The following GALNT9 variants were observed in gnomAD, a reference collection of about 807,000 sequenced individuals.
The protein encoded by GALNT9 is polypeptide N-acetylgalactosaminyltransferase 9.
A neutral mutation model predicts 63.1 loss-of-function variants in GALNT9; 47 were observed. The ratio of observed to expected loss-of-function variants is 0.75; its 90% CI spans 0.59 to 0.95. GALNT9 has a LOEUF of 0.95. Among genes scored for constraint, GALNT9 ranks in the 40% least tolerant of loss-of-function variants. The pLI is 0.00. For synonymous variants in GALNT9, 396 were observed against 365.7 expected (o/e 1.08, Z -0.94); for missense variants, 829 against 874.8 (o/e 0.95, Z 0.66).
intron 2 of GALNT9, chr12:132,280,059 T>G (rs1462576146): frequency 6.6e-6 from 1 of 151,168 alleles, no homozygotes; most frequent in East Asian, 1.9e-4. Flanking sequence ...TCCTGGATTC[T>G]GCCTGTGTCC....
rs1877513399 is a variant in GALNT9, at chr12:132,222,915, CAT to C, written c.1078-19227_1078-19226del. Among the ~76,000 whole-genome samples, 970 of 127,510 alleles carry C rather than the reference CAT, an allele frequency of 7.6e-3. 49 individuals are homozygous for C. Among genetic ancestry groups the C allele is most frequent in the African/African-American group, 0.027 (905 of 33,648 alleles). 83.7% of individuals were successfully genotyped at this position (127,510 alleles called of 152,430 possible). On this transcript the variant is annotated intron_variant, in intron 6 of 10. Transcript: ENST00000328957. The stretch of plus-strand genomic sequence containing the variant: ...CAACCCGCACCCCACACCCCACATA[CAT>C]CCCACACAACCCACACCCCACACAC...
At chr12:132,201,555 C>T (rs1177304569) in intron 7 of GALNT9, among the ~76,000 whole-genome samples, 1 of 152,218 alleles carries the variant, frequency 6.6e-6, no homozygotes, top group Non-Finnish European at 1.5e-5. Flanking sequence ...CAGGAACCTC[C>T]TGCCTGAGAA....
intron 6 of GALNT9, among the ~76,000 whole-genome samples, chr12:132,214,557 CA>C (rs1481429245): frequency 1.3e-5 from 2 of 152,250 alleles, no homozygotes; most frequent in Non-Finnish European, 2.9e-5. Flanking sequence ...CCCACCCAAC[CA>C]CTCAGGAGGA....
intron 6 of GALNT9, among the ~76,000 whole-genome samples, chr12:132,221,072 A>AAAAAAG (rs1877424922): frequency 9.6e-6 from 1 of 104,060 alleles, no homozygotes. Flanking sequence ...AAAAAAAAAA[A>AAAAAAG]GGTCTGGGCG....
At chr12:132,214,534 G>A (rs1282162174) in intron 6 of GALNT9, among the ~76,000 whole-genome samples, 1 of 152,154 alleles carries the variant, frequency 6.6e-6, no homozygotes, top group Non-Finnish European at 1.5e-5. Context: ...CCTTCACTCT[G>A]GGCTACCATC....
intron 6 of GALNT9, among the ~76,000 whole-genome samples, chr12:132,239,320 T>TGA (rs782390451): frequency 5.5e-5 from 5 of 91,542 alleles, no homozygotes; most frequent in East Asian, 3.0e-4. Context: ...ACTGAGAGAC[T>TGA]GAGAGAGAGA....
chr12:132,211,162 C>T (rs1038443750), intron 6 of GALNT9, among the ~76,000 whole-genome samples: 23 of 152,170 alleles, frequency 1.5e-4, no homozygotes, highest in Admixed American at 3.3e-4. Context: ...CACCTGACTT[C>T]TCGCCAACCA....
intron 6 of GALNT9, among the ~76,000 whole-genome samples, chr12:132,247,094 C>A (rs1672415574): frequency 6.6e-6 from 1 of 152,176 alleles, no homozygotes; most frequent in Non-Finnish European, 1.5e-5. Context: ...AACCCGCAAC[C>A]TCCAAAATAA....
Position 132,196,893 on chromosome 12 carries a change from G to A in GALNT9, c.*214C>T, listed in dbSNP as rs1875541878. 3.6e-6 allele frequency: 5 copies of A among 1,387,626 alleles called. No homozygotes were observed. Among genetic ancestry groups the A allele is most frequent in the South Asian group, 3.3e-5 (2 of 61,476 alleles). 86.0% of individuals were successfully genotyped at this position (1,387,626 alleles called of 1,614,324 possible). A position where few individuals can be genotyped will look rare whatever the true frequency, so the allele number is the denominator to read the frequency against. On this transcript the variant is annotated 3_prime_UTR_variant, in exon 11 of 11. Coordinates refer to ENST00000328957, the MANE Select transcript of GALNT9 (RefSeq NM_001122636.2). ...TCACTGTCCCCAGACGCCCTCCCTC[G>A]GGTAGAGCCGCCTGTCCTAGGAGAA...
Position 132,252,438 on chromosome 12 carries a change from G to A in GALNT9, c.960-4411C>T, listed in dbSNP as rs1451335972. Among the ~76,000 whole-genome samples the A allele has an allele frequency of 3.9e-5, 6 of 152,240 alleles. No homozygotes were observed. Among genetic ancestry groups the A allele is most frequent in the Admixed American group, 3.9e-4 (6 of 15,286 alleles). ...TTTAGAAAGAGTTTGCATCCACAATGGAAAGAGTGAAATGTAGGGTCCAGC... is the reference window on the plus strand; with the variant it reads ...TTTAGAAAGAGTTTGCATCCACAATAGAAAGAGTGAAATGTAGGGTCCAGC... On this transcript the variant is annotated intron_variant, in intron 5 of 10. Transcript: ENST00000328957. This position sits in a 1 kb window ranked among gnomAD's most constrained non-coding sequence, Gnocchi z 5.2.
chr12:132,239,665 G>C (rs1431097242), intron 6 of GALNT9, among the ~76,000 whole-genome samples: 1 of 151,824 alleles, frequency 6.6e-6, no homozygotes, highest in African/African-American at 2.4e-5. Flanking sequence ...GAGACAGAGA[G>C]AGACAGAGAG....
chr12:132,324,239 G>T (rs1292830433), intron 1 of GALNT9, among the ~76,000 whole-genome samples: 1 of 152,110 alleles, frequency 6.6e-6, no homozygotes, highest in African/African-American at 2.4e-5. Context: ...GGGAGAGTGT[G>T]CCGGAGCCGG....
rs1555239739 is a variant in GALNT9 at position 132,261,055 on chromosome 12, G to A, written c.654C>T (p.Arg218=). The change falls in exon 4 of 11, where the codon CGC becomes CGT. Residue 218 remains arginine, a synonymous_variant. Coordinates refer to ENST00000328957, the MANE Select transcript of GALNT9 (RefSeq NM_001122636.2). ...GGATCAGTCCTTCCCGCCGGCTGTT[G>A]CGGACAATCTTCACGAGGCCTGGGT... ...KRYPGLVKIV[R]NSRREGLIRA... is the part of the protein sequence containing the mutation. 1.3e-6 allele frequency: 2 copies of A among 1,551,556 alleles called. No homozygotes were observed. Among genetic ancestry groups the A allele is most frequent in the Non-Finnish European group, 1.7e-6 (2 of 1,146,988 alleles).
chr12:132,207,467 T>C (rs189788910), intron 6 of GALNT9, among the ~76,000 whole-genome samples: 9 of 152,338 alleles, frequency 5.9e-5, no homozygotes, highest in African/African-American at 2.2e-4. Flanking sequence ...CTGGGCGGTC[T>C]GCGAGGCCTC....
rs1217245836 is a variant in GALNT9, at chr12:132,327,281, GGGGCGGT to G, written c.238+1678_238+1684del. ...GGAAGCGGGATGGGAGAAGGCAGTG[GGGGCGGT>G]GGGCGGTGGGGGGAGACACACTTTC... On this transcript the variant is annotated intron_variant, in intron 1 of 10. Transcript: ENST00000328957. The surrounding 1 kb of genome is among the most constrained non-coding windows in gnomAD (Gnocchi z 4.3). Among the ~76,000 whole-genome samples, 2 of 151,742 alleles carry G rather than the reference GGGGCGGT, an allele frequency of 1.3e-5. No individual in the cohort carries two copies. The highest frequency in any genetic ancestry group is 2.4e-5 in the African/African-American group (1 of 41,298).
intron 6 of GALNT9, among the ~76,000 whole-genome samples, chr12:132,230,496 G>C (rs1877849601): frequency 6.6e-6 from 1 of 152,352 alleles, no homozygotes; most frequent in Non-Finnish European, 1.5e-5. Flanking sequence ...ACGCGGGCTG[G>C]GGAGCCCTTT....
rs191296814 is a variant in GALNT9, at chr12:132,296,112, G to A, written c.239-9682C>T. ...CCGAACAGGGAGAGCCTCCGAACAG[G>A]GAGAGCCTCTGAACAGGGAGAGCCT... On this transcript the variant is annotated intron_variant, in intron 1 of 10. Transcript: ENST00000328957. This position sits in a 1 kb window ranked among gnomAD's most constrained non-coding sequence, Gnocchi z 4.2. Among the ~76,000 whole-genome samples the A allele has an allele frequency of 8.3e-3, 1,263 of 151,598 alleles. 10 individuals carry two copies. The highest frequency in any genetic ancestry group is 0.024 in the Middle Eastern group (7 of 288).
Position 132,325,399 on chromosome 12 carries a change from G to A in GALNT9, c.238+3567C>T, listed in dbSNP as rs537828760. 9.2e-5 allele frequency among the ~76,000 whole-genome samples: 14 copies of A among 152,308 alleles called. 1 individual carries two copies. In the South Asian group the frequency reaches 1.7e-3, roughly 18 times the overall value. ...AGCCTCGCCCTCAGTGGACACGAGCGAGGTGTCACACAGTCATGGGGGGAT... is the reference window on the plus strand; with the variant it reads ...AGCCTCGCCCTCAGTGGACACGAGCAAGGTGTCACACAGTCATGGGGGGAT... On this transcript the variant is annotated intron_variant, in intron 1 of 10. Transcript: ENST00000328957.
At chr12:132,226,638 C>A (rs1488853365) in intron 6 of GALNT9, among the ~76,000 whole-genome samples, 10 of 135,422 alleles carry the variant, frequency 7.4e-5, no homozygotes, top group African/African-American at 2.8e-5. Context: ...CCCACATGCA[C>A]CCCATGCACC....
Sources: allele counts gnomAD v4.1 joint callset (sites outside exome capture counted in the v4.1 genomes callset), GRCh38; gene constraint gnomAD v4.1.1; non-coding constraint Gnocchi (gnomAD v3.1); transcripts MANE v1.5; gene names NCBI Gene and HGNC (gene_info 2026-07-23, HGNC 2026-07-21).